The following UGT1A4 variants were observed in gnomAD, a reference collection of about 807,000 sequenced individuals.
The protein encoded by UGT1A4 is UDP glucuronosyltransferase family 1 member A4.
Under a neutral mutation model 41.1 loss-of-function variants are expected in UGT1A4, and 32 were observed. The ratio of observed to expected loss-of-function variants is 0.78; its 90% confidence interval spans 0.59 to 1.05. The LOEUF (loss-of-function observed/expected upper bound fraction) is 1.05, where lower values mean the gene tolerates loss of function less well. Ranked by LOEUF, UGT1A4 falls within the 50% of genes least tolerant of loss-of-function variation. The probability of loss-of-function intolerance (pLI) is 0.00; values close to 1 mark genes in which losing one functional copy is unlikely to be tolerated. For synonymous variants in UGT1A4, 283 were observed against 265.1 expected, an observed-to-expected ratio of 1.07 and a Z score of -0.66; for missense variants, 748 against 677.4, an observed-to-expected ratio of 1.10 and a Z score of -1.16.
chr2:233,754,686 T>C, intron 1 of UGT1A4: 1 of 484,820 alleles, frequency 2.1e-6, no homozygotes, highest in Non-Finnish European at 4.0e-6. Flanking sequence ...ATCAACTATT[T>C]CAGTGGAAGT....
Position 233,769,406 on chromosome 2 carries a change from T to C in UGT1A4, c.1307+967T>C. Reference sequence around the variant, plus strand: ...AATAGATACTGTGTGCATATGTGCGTGTGCGTTTGTGCATGTGGCTGTGCT... The same window carrying C: ...AATAGATACTGTGTGCATATGTGCGCGTGCGTTTGTGCATGTGGCTGTGCT... On this transcript the variant is annotated intron_variant, in intron 4 of 4. Transcript: ENST00000373409. This position sits in a 1 kb window ranked among gnomAD's most constrained non-coding sequence, Gnocchi z 4.4. 1 of 1,252,262 alleles carries C rather than the reference T, an allele frequency of 8.0e-7. No individual in the cohort carries two copies. Among genetic ancestry groups the C allele is most frequent in the Non-Finnish European group, 1.1e-6 (1 of 876,920 alleles). The allele number at this position is 1,252,262 out of a possible 1,614,324, so 77.6% of individuals were successfully genotyped here.
intron 1 of UGT1A4, among the ~76,000 whole-genome samples, chr2:233,733,673 A>G (rs1046219304): frequency 2.0e-5 from 3 of 152,206 alleles, no homozygotes; most frequent in African/African-American, 7.2e-5. Context: ...ATCGATGTGG[A>G]TAAACTTTTT....
chr2:233,743,634 C>T (rs776464072), intron 1 of UGT1A4: 4 of 1,367,180 alleles, frequency 2.9e-6, no homozygotes, highest in Non-Finnish European at 2.0e-6. Flanking sequence ...TCGGCTGGGT[C>T]GCGGAAGCTG....
chr2:233,762,002 C>A (rs1378101119), intron 1 of UGT1A4, among the ~76,000 whole-genome samples: 2 of 152,188 alleles, frequency 1.3e-5, no homozygotes, highest in Non-Finnish European at 2.9e-5. Flanking sequence ...TTCCACTATA[C>A]CTCCAATGTG....
In UGT1A4 at chr2:233,768,381, C is replaced by T. The variant is rs764290725; in HGVS notation, c.1249C>T (p.Leu417=). 1.9e-6 allele frequency: 3 copies of T among 1,614,120 alleles called. No individual in the cohort carries two copies. Among genetic ancestry groups the T allele is most frequent in the Non-Finnish European group, 2.5e-6 (3 of 1,180,032 alleles). ...TKGAGVTLNV[L]EMTSEDLENA... ...GGGAGCTGGAGTGACCCTGAATGTT[C>T]TGGAAATGACTTCTGAAGATTTAGA... Residue 417 remains leucine (L), a synonymous_variant, in exon 4 of 5, where the codon CTG becomes TTG. Transcript: ENST00000373409.
chr2:233,771,184 C>G (rs1452671929), intron 4 of UGT1A4: 1 of 152,242 alleles, frequency 6.6e-6, no homozygotes, highest in Non-Finnish European at 1.5e-5. Flanking sequence ...TACAATTCAA[C>G]ATGAGATCTG....
intron 1 of UGT1A4, among the ~76,000 whole-genome samples, chr2:233,724,362 A>T (rs1231465010): frequency 6.9e-6 from 1 of 144,202 alleles, no homozygotes; most frequent in African/African-American, 2.6e-5. Context: ...TCCCTCCCGG[A>T]CGGGGTGGCT....
intron 3 of UGT1A4, 42 bp downstream of exon 3, chr2:233,767,978 A>G: frequency 3.1e-6 from 5 of 1,614,204 alleles, no homozygotes; most frequent in Non-Finnish European, 4.2e-6. Flanking sequence ...ACCAGGGTCA[A>G]ATTAAGAAAA....
intron 1 of UGT1A4, chr2:233,747,241 C>CTG: frequency 6.2e-7 from 1 of 1,603,058 alleles, no homozygotes; most frequent in South Asian, 1.1e-5. Context: ...GGTTCCCCTG[C>CTG]TGTGGCTGGC....
At position 233,719,325 on chromosome 2, in the gene UGT1A4, G is replaced by A. The variant is rs771082212; in HGVS notation, c.505G>A (p.Ala169Thr). 18 of 1,613,804 alleles carry A rather than the reference G, an allele frequency of 1.1e-5. No homozygotes were observed. The highest frequency in any genetic ancestry group is 2.7e-5 in the African/African-American group (2 of 74,912). ...GCTGGCTAAGTACCTGTCGATTCCT[G>A]CTGTGTTTTTTTGGAGGTACATTCC... Reference protein sequence around the residue: ...AVLAKYLSIPAVFFWRYIPCD... With the variant: ...AVLAKYLSIPTVFFWRYIPCD... Residue 169 changes from alanine (A) to threonine (T), a missense_variant, in exon 1 of 5, where the codon GCT becomes ACT. By Grantham distance (58) the Ala-to-Thr change is moderately conservative. Transcript: ENST00000373409.
intron 1 of UGT1A4, among the ~76,000 whole-genome samples, chr2:233,731,462 C>A (rs1354411631): frequency 6.6e-6 from 1 of 152,008 alleles, no homozygotes; most frequent in Non-Finnish European, 1.5e-5. Flanking sequence ...CAGGCCCTGG[C>A]GTGTGATGTT....
At chr2:233,738,160 TTCTC>T (rs1212480209) in intron 1 of UGT1A4, among the ~76,000 whole-genome samples, 1 of 152,184 alleles carries the variant, frequency 6.6e-6, no homozygotes, top group Non-Finnish European at 1.5e-5. Context: ...CTATTCCTCT[TTCTC>T]TCTTTCATGT....
chr2:233,719,070 T>C lies in UGT1A4; in HGVS notation c.250T>C (p.Trp84Arg), dbSNP rs144655870. Residue 84 changes from tryptophan (W) to arginine (R), a missense_variant, in exon 1 of 5, where the codon TGG becomes CGG. Trp to Arg is a moderately radical substitution (Grantham distance 101). Coordinates refer to ENST00000373409, the MANE Select transcript of UGT1A4 (RefSeq NM_007120.3). ...FFTLTAYAVP[W>R]TQKEFDRVTL... The stretch of plus-strand genomic sequence containing the variant: ...CACCCTGACAGCCTATGCTGTTCCA[T>C]GGACCCAGAAGGAATTTGATCGCGT... The C allele has an allele frequency of 4.3e-6, 7 of 1,614,166 alleles. No individual in the cohort carries two copies. In the African/African-American group the frequency reaches 6.7e-5, roughly 15 times the overall value.
At chr2:233,743,149 A>G in intron 1 of UGT1A4, 1 of 356,554 alleles carries the variant, frequency 2.8e-6, no homozygotes, top group South Asian at 2.1e-5. Flanking sequence ...AAAGTCCGCT[A>G]TTCCTCCAGA....
intron 4 of UGT1A4, among the ~76,000 whole-genome samples, chr2:233,771,929 A>G (rs1433247357): frequency 6.6e-6 from 1 of 152,182 alleles, no homozygotes; most frequent in African/African-American, 2.4e-5. Flanking sequence ...AGCCTGGGCA[A>G]CACAATAAGA....
At chr2:233,730,565 C>T (rs28898621) in intron 1 of UGT1A4, among the ~76,000 whole-genome samples, 10,381 of 152,078 alleles carry the variant, frequency 0.068, 502 homozygotes, top group East Asian at 0.2. Context: ...GAATGACACA[C>T]GAAGTTCAGT....
Position 233,719,346 on chromosome 2 carries a change from A to C in UGT1A4, c.526A>C (p.Ile176Leu), listed in dbSNP as rs45540231. 2.5e-6 allele frequency: 4 copies of C among 1,613,698 alleles called. No homozygotes were observed. Among genetic ancestry groups the C allele is most frequent in the Non-Finnish European group, 3.4e-6 (4 of 1,179,844 alleles). ...TCCTGCTGTGTTTTTTTGGAGGTACATTCCATGTGACTTAGACTTTAAGGG... is the reference window on the plus strand; with the variant it reads ...TCCTGCTGTGTTTTTTTGGAGGTACCTTCCATGTGACTTAGACTTTAAGGG... ...SIPAVFFWRYIPCDLDFKGTQ... is the reference protein window; with the variant it reads ...SIPAVFFWRYLPCDLDFKGTQ... The change falls in exon 1 of 5, where the codon ATT becomes CTT. Residue 176 changes from isoleucine to leucine, a missense_variant. Ile to Leu is a conservative substitution (Grantham distance 5). Transcript: ENST00000373409.
chr2:233,739,456 G>A (rs1691109479), intron 1 of UGT1A4, among the ~76,000 whole-genome samples: 1 of 152,244 alleles, frequency 6.6e-6, no homozygotes, highest in African/African-American at 2.4e-5. Flanking sequence ...CACAGGGTTG[G>A]AGCTGCCTGA....
chr2:233,723,516 CTTTTTTTTT>C (rs1162916866), intron 1 of UGT1A4, among the ~76,000 whole-genome samples: 2 of 85,406 alleles, frequency 2.3e-5, no homozygotes, highest in East Asian at 3.2e-4. Context: ...GGTCAACAAT[CTTTTTTTTT>C]TTTTTTTTTT....
Sources: gnomAD v4.1 joint callset for allele counts (sites outside exome capture counted in the v4.1 genomes callset) on GRCh38, gnomAD v4.1.1 for gene constraint, Gnocchi (gnomAD v3.1) non-coding constraint, MANE v1.5 for transcripts, NCBI Gene and HGNC (gene_info 2026-07-23, HGNC 2026-07-21) for gene names.